The following TFEC variants were observed in gnomAD, a reference collection of about 807,000 sequenced individuals.
The protein encoded by TFEC is class E basic helix-loop-helix protein 34.
Under a neutral mutation model 41.6 loss-of-function variants are expected in TFEC, and 31 were observed. That is an observed-to-expected ratio of 0.74 (90% CI 0.56 to 1.01). The LOEUF (loss-of-function observed/expected upper bound fraction) is 1.01. TFEC is among the 50% of genes least tolerant of loss of function. TFEC has a pLI of 0.00. For missense variants in TFEC, 402 were observed against 404.1 expected (o/e 0.99, Z 0.04); for synonymous variants, 143 against 140.6 (o/e 1.02, Z -0.12).
chr7:116,062,637 T>C (rs2130994804), intron 3 of TFEC, among the ~76,000 whole-genome samples: 1 of 146,770 alleles, frequency 6.8e-6, no homozygotes, highest in South Asian at 2.2e-4. Context: ...GGCATTGGGC[T>C]GGTTCAATAT....
intron 5 of TFEC, 116 bp from the exon 6 acceptor site, chr7:115,951,065 T>C (rs978385051): frequency 4.1e-6 from 2 of 489,678 alleles, no homozygotes; most frequent in Non-Finnish European, 7.0e-6. Flanking sequence ...TTCCATTTAG[T>C]CAAAAGATAA....
chr7:116,091,700 A>T (rs1797331893), intron 3 of TFEC, among the ~76,000 whole-genome samples: 4 of 152,144 alleles, frequency 2.6e-5, no homozygotes, highest in Admixed American at 2.6e-4. Flanking sequence ...ATAAATAAAA[A>T]TAACAAGAAC....
At chr7:116,049,375 G>C (rs997500661) in intron 3 of TFEC, among the ~76,000 whole-genome samples, 3 of 152,196 alleles carry the variant, frequency 2.0e-5, no homozygotes, top group Admixed American at 6.5e-5. Flanking sequence ...GATCAGAAGA[G>C]ACAAAGGAGG....
At chr7:116,070,420 T>G (rs1382696186) in intron 3 of TFEC, among the ~76,000 whole-genome samples, 6 of 151,434 alleles carry the variant, frequency 4.0e-5, no homozygotes, top group Non-Finnish European at 5.9e-5. Flanking sequence ...CTAATATTTA[T>G]AAGCAACGAC....
intron 3 of TFEC, among the ~76,000 whole-genome samples, chr7:116,094,188 C>T (rs1203387963): frequency 6.6e-6 from 1 of 152,120 alleles, no homozygotes; most frequent in Non-Finnish European, 1.5e-5. Flanking sequence ...ATAAACACTA[C>T]AGAGAATTTG....
exon 1 of TFEC, chr7:116,159,817 C>G (rs1415366304): frequency 6.6e-6 from 1 of 152,054 alleles, no homozygotes; most frequent in Non-Finnish European, 1.5e-5. Flanking sequence ...GCGAAGAATC[C>G]GTGAGACTCA....
chr7:115,945,658 T>C (rs977474379), intron 6 of TFEC, among the ~76,000 whole-genome samples: 2 of 151,780 alleles, frequency 1.3e-5, no homozygotes, highest in Non-Finnish European at 2.9e-5. Flanking sequence ...CAAATAAATG[T>C]TATTTGCCTA....
At chr7:116,004,225 C>T (rs1015869007) in intron 1 of TFEC, among the ~76,000 whole-genome samples, 1 of 151,894 alleles carries the variant, frequency 6.6e-6, no homozygotes, top group Non-Finnish European at 1.5e-5. Context: ...ATTAATAAGC[C>T]TCTAGCTAAC....
rs186678454 is a variant in TFEC, at chr7:116,138,376, T to G, written c.-69+21414A>C. Among the ~76,000 whole-genome samples the G allele has an allele frequency of 2.4e-4, 36 of 152,260 alleles. 1 individual carries two copies. Among genetic ancestry groups the G allele is most frequent in the Admixed American group, 2.4e-3 (36 of 15,284 alleles). ...TACAGTTTAATGTTCCATTCTGACT[T>G]TTGTCCACTAGATGTCCCCAGTACG... On this transcript the variant is annotated intron_variant, in intron 1 of 8. Transcript: ENST00000484212.
intron 1 of TFEC, among the ~76,000 whole-genome samples, chr7:116,006,880 C>T (rs1421001698): frequency 1.3e-5 from 2 of 152,116 alleles, no homozygotes; most frequent in African/African-American, 2.4e-5. Context: ...GAGTAAGTCT[C>T]ATGAGATCTG....
At chr7:116,150,995 A>G (rs748774149) in intron 1 of TFEC, among the ~76,000 whole-genome samples, 5 of 152,288 alleles carry the variant, frequency 3.3e-5, no homozygotes, top group Admixed American at 2.0e-4. Flanking sequence ...TGAATTCTAA[A>G]CATAATTTAA....
chr7:116,014,586 C>T (rs1203831306), intron 1 of TFEC, among the ~76,000 whole-genome samples: 1 of 152,022 alleles, frequency 6.6e-6, no homozygotes, highest in East Asian at 1.9e-4. Flanking sequence ...TTTCCAGTTA[C>T]TTGCAATTTC....
rs530505751 is a variant in TFEC, at chr7:116,000,565, G to T, written c.-72-16052C>A. Among the ~76,000 whole-genome samples, 7 of 152,190 alleles carry T rather than the reference G, an allele frequency of 4.6e-5. No homozygotes were observed. In the East Asian group the frequency reaches 1.4e-3, roughly 29 times the overall value. ...AAACCTAAAGACTCCACACAAAAAA[G>T]CTATTAGAACTGATAAATTCAGTAA... On this transcript the variant is annotated intron_variant, in intron 1 of 7. Coordinates refer to ENST00000265440, the MANE Select transcript of TFEC (RefSeq NM_012252.4).
chr7:116,128,052 T>G (rs1214635260), intron 1 of TFEC, among the ~76,000 whole-genome samples: 1 of 152,158 alleles, frequency 6.6e-6, no homozygotes. Context: ...TAACTCAAAT[T>G]ACATAACTTT....
chr7:116,129,544 C>T (rs1199128496), intron 1 of TFEC, among the ~76,000 whole-genome samples: 1 of 150,152 alleles, frequency 6.7e-6, no homozygotes, highest in Non-Finnish European at 1.5e-5. Context: ...ACCCTCCTTG[C>T]ATGGTGTTTT....
At chr7:115,989,459 G>T (rs910041848) in intron 1 of TFEC, among the ~76,000 whole-genome samples, 2 of 152,178 alleles carry the variant, frequency 1.3e-5, no homozygotes, top group South Asian at 4.1e-4. Flanking sequence ...CGCCTCACCC[G>T]GGAAGCATAA....
intron 1 of TFEC, among the ~76,000 whole-genome samples, chr7:116,001,108 C>G (rs78251965): frequency 0.02 from 3,008 of 152,116 alleles, 39 homozygotes; most frequent in Non-Finnish European, 0.032. Context: ...GACACATAAA[C>G]CAATGAAACA....
chr7:115,983,177 T>C (rs13223646), intron 2 of TFEC, among the ~76,000 whole-genome samples: 1 of 152,160 alleles, frequency 6.6e-6, no homozygotes, highest in Middle Eastern at 3.4e-3. Flanking sequence ...TTTAGGAAAG[T>C]TTTTTATATA....
chr7:115,981,299 T>C (rs1793619479), intron 2 of TFEC, among the ~76,000 whole-genome samples: 2 of 152,154 alleles, frequency 1.3e-5, no homozygotes, highest in African/African-American at 4.8e-5. Context: ...CCAACTCAAG[T>C]ATTACCACTT....
Sources: gnomAD v4.1 joint callset for allele counts (sites outside exome capture counted in the v4.1 genomes callset) on GRCh38, gnomAD v4.1.1 for gene constraint, MANE v1.5 for transcripts, NCBI Gene and HGNC (gene_info 2026-07-23, HGNC 2026-07-21) for gene names.